The following CNTN1 variants were observed in gnomAD, a reference collection of about 807,000 sequenced individuals.
CNTN1 encodes the protein contactin 1.
CNTN1 carries 38 observed loss-of-function variants against 126.4 expected under a neutral mutation model. The observed-to-expected ratio is 0.30, with a 90% CI of 0.23 to 0.39. The LOEUF (loss-of-function observed/expected upper bound fraction) is 0.39, where lower values mean the gene tolerates loss of function less well. Among genes scored for constraint, CNTN1 ranks in the 10% least tolerant of loss-of-function variants. CNTN1 has a pLI of 1.00. For missense variants in CNTN1, 1,009 were observed against 1,248.4 expected (o/e 0.81, Z 2.89); for synonymous variants, 413 against 422.6 (o/e 0.98, Z 0.28).
In CNTN1 at chr12:40,997,597, A is replaced by G. The variant is rs574725026; in HGVS notation, c.2113+4328A>G. 2.6e-5 allele frequency among the ~76,000 whole-genome samples: 4 copies of G among 152,352 alleles called. No individual in the cohort carries two copies. In the East Asian group the frequency reaches 7.7e-4, roughly 29 times the overall value. The stretch of plus-strand genomic sequence containing the variant: ...AGATAAATCTTTAAAAGAAGCAAAG[A>G]GGATAGATTTTTAAGCCATCTGAAG... On this transcript the variant is annotated intron_variant, in intron 17 of 23. Coordinates refer to ENST00000551295, the MANE Select transcript of CNTN1 (RefSeq NM_001843.4).
At chr12:40,937,820 T>A in intron 11 of CNTN1, 133 bp downstream of exon 11, 1 of 689,070 alleles carries the variant, frequency 1.5e-6, no homozygotes, top group Non-Finnish European at 2.7e-6. Flanking sequence ...TTTACTGATT[T>A]ATTTATTGCT....
chr12:41,005,415 G>A (rs556637071), intron 17 of CNTN1, among the ~76,000 whole-genome samples: 2 of 152,122 alleles, frequency 1.3e-5, no homozygotes, highest in South Asian at 2.1e-4. Flanking sequence ...TCTTGGGGAT[G>A]ATCTTCTTGT....
chr12:40,718,303 G>T (rs1335615883), intron 1 of CNTN1, among the ~76,000 whole-genome samples: 3 of 152,054 alleles, frequency 2.0e-5, no homozygotes, highest in African/African-American at 7.2e-5. Context: ...TGAGTAGCTG[G>T]GACTACAGGC....
At chr12:40,955,364 T>C (rs920260956) in intron 14 of CNTN1, among the ~76,000 whole-genome samples, 2 of 152,122 alleles carry the variant, frequency 1.3e-5, no homozygotes, top group Non-Finnish European at 2.9e-5. Context: ...TTTTCTTGTA[T>C]GTTAGTGATA....
At chr12:40,825,206 T>A (rs1456285179) in intron 1 of CNTN1, among the ~76,000 whole-genome samples, 1 of 152,184 alleles carries the variant, frequency 6.6e-6, no homozygotes, top group Non-Finnish European at 1.5e-5. Context: ...AAAGCATGCC[T>A]TAAATCTTAG....
At chr12:40,857,023 A>C (rs577241890) in intron 1 of CNTN1, among the ~76,000 whole-genome samples, 1 of 152,162 alleles carries the variant, frequency 6.6e-6, no homozygotes, top group Non-Finnish European at 1.5e-5. Context: ...AACTATTGAC[A>C]TACATATTAA....
intron 1 of CNTN1, among the ~76,000 whole-genome samples, chr12:40,768,410 C>A: frequency 8.1e-6 from 1 of 123,372 alleles, no homozygotes; most frequent in East Asian, 2.8e-4. Context: ...TTTACAAATC[C>A]CTTATAAGCA....
At chr12:40,986,751 G>A (rs867420297) in intron 16 of CNTN1, among the ~76,000 whole-genome samples, 1 of 152,128 alleles carries the variant, frequency 6.6e-6, no homozygotes, top group African/African-American at 2.4e-5. Context: ...GTGCCGCAGA[G>A]GGAAGTCTTT....
At chr12:40,868,811 T>G (rs1555171171) in intron 1 of CNTN1, among the ~76,000 whole-genome samples, 6 of 152,046 alleles carry the variant, frequency 3.9e-5, no homozygotes, top group Non-Finnish European at 8.8e-5. Flanking sequence ...TGTTTTCTCT[T>G]CCCAGCAGCT....
intron 1 of CNTN1, among the ~76,000 whole-genome samples, chr12:40,842,156 A>G (rs1318070026): frequency 6.6e-6 from 1 of 152,110 alleles, no homozygotes; most frequent in Non-Finnish European, 1.5e-5. Flanking sequence ...ATAAAGTGCC[A>G]TTTGAGGAAA....
intron 1 of CNTN1, among the ~76,000 whole-genome samples, chr12:40,803,724 T>C (rs1325874940): frequency 1.3e-5 from 2 of 151,048 alleles, no homozygotes; most frequent in Non-Finnish European, 2.9e-5. Flanking sequence ...CAAGAGTAGA[T>C]GAGAATATCT....
intron 16 of CNTN1, among the ~76,000 whole-genome samples, chr12:40,984,307 G>T (rs529804841): frequency 1.2e-4 from 18 of 152,070 alleles, no homozygotes; most frequent in African/African-American, 4.1e-4. Context: ...AATTTCATCT[G>T]TCTAAGTCTA....
intron 1 of CNTN1, among the ~76,000 whole-genome samples, chr12:40,860,373 G>C (rs892414706): frequency 1.3e-5 from 2 of 152,072 alleles, no homozygotes; most frequent in African/African-American, 4.8e-5. Context: ...GACACCAACT[G>C]GGTGTTCAAC....
chr12:40,948,306 A>G (rs115308347), intron 14 of CNTN1, among the ~76,000 whole-genome samples: 1,971 of 118,826 alleles, frequency 0.017, 58 homozygotes, highest in African/African-American at 0.06. Context: ...ATTTTTCACA[A>G]TTTAATACTT....
At chr12:40,744,061 A>C (rs1283683833) in intron 1 of CNTN1, among the ~76,000 whole-genome samples, 1 of 152,054 alleles carries the variant, frequency 6.6e-6, no homozygotes, top group East Asian at 1.9e-4. Context: ...ACATGTTTTC[A>C]CTTATAAGTG....
intron 1 of CNTN1, among the ~76,000 whole-genome samples, chr12:40,698,885 G>A (rs1335056823): frequency 6.6e-6 from 1 of 152,068 alleles, no homozygotes; most frequent in Non-Finnish European, 1.5e-5. Context: ...CAACTGAACG[G>A]TTTGCCTTCT....
At chr12:40,843,569 G>A (rs1210506871) in intron 1 of CNTN1, among the ~76,000 whole-genome samples, 1 of 152,070 alleles carries the variant, frequency 6.6e-6, no homozygotes, top group East Asian at 1.9e-4. Context: ...TTAATATATT[G>A]ATAATAAGGT....
At chr12:41,029,526 G>A (rs140627012) in intron 23 of CNTN1, among the ~76,000 whole-genome samples, 2,160 of 152,190 alleles carry the variant, frequency 0.014, 156 homozygotes, top group Admixed American at 0.11. Context: ...TTATTTGATT[G>A]TGGTAATCAT....
chr12:40,872,208 T>TGTG (rs1943523302), intron 1 of CNTN1, among the ~76,000 whole-genome samples: 27 of 124,144 alleles, frequency 2.2e-4, no homozygotes, highest in African/African-American at 7.1e-4. Context: ...TTCCGTTGCT[T>TGTG]TGTTTGTGTG....
Sources: allele counts gnomAD v4.1 joint callset (sites outside exome capture counted in the v4.1 genomes callset), GRCh38; gene constraint gnomAD v4.1.1; transcripts MANE v1.5; gene names NCBI Gene and HGNC (gene_info 2026-07-23, HGNC 2026-07-21).